The following CSMD3 variants were observed in gnomAD, a reference collection of about 807,000 sequenced individuals.
The protein encoded by CSMD3 is CUB and Sushi multiple domains 3.
CSMD3 carries 177 observed loss-of-function variants against 435.2 expected under a neutral mutation model. The observed-to-expected ratio is 0.41, with a 90% CI of 0.36 to 0.46. CSMD3 has a LOEUF of 0.46. Ranked by LOEUF, CSMD3 falls within the 20% of genes least tolerant of loss-of-function variation. The pLI, the probability that CSMD3 is intolerant of heterozygous loss-of-function variation, is 0.34. For missense variants in CSMD3, 4,265 were observed against 4,504.6 expected (o/e 0.95, Z 1.52); for synonymous variants, 1,656 against 1,520.5 (o/e 1.09, Z -2.07).
intron 8 of CSMD3, among the ~76,000 whole-genome samples, chr8:112,951,101 A>T (rs982495662): frequency 2.0e-5 from 3 of 151,852 alleles, no homozygotes; most frequent in African/African-American, 4.8e-5. Context: ...AAATTTTTTA[A>T]ATTAAGAAAA....
chr8:112,865,175 C>T (rs1168288267), intron 10 of CSMD3, among the ~76,000 whole-genome samples: 1 of 152,168 alleles, frequency 6.6e-6, no homozygotes. Context: ...ATGTTAAGTA[C>T]AGTGAAATAT....
intron 5 of CSMD3, among the ~76,000 whole-genome samples, chr8:113,025,766 A>G (rs2086853014): frequency 6.6e-6 from 1 of 152,144 alleles, no homozygotes; most frequent in African/African-American, 2.4e-5. Context: ...CTGGGGAGTC[A>G]GGACAAGCCC....
intron 13 of CSMD3, among the ~76,000 whole-genome samples, chr8:112,730,262 C>T (rs1340533523): frequency 2.0e-5 from 3 of 152,188 alleles, no homozygotes; most frequent in South Asian, 2.1e-4. Flanking sequence ...ATTGAGCACA[C>T]ATCTTGTGAA....
intron 2 of CSMD3, among the ~76,000 whole-genome samples, chr8:113,302,222 AATATAATATAAT>A (rs71281209): frequency 0.018 from 1,347 of 75,192 alleles, 10 homozygotes; most frequent in East Asian, 0.066. Context: ...CTGTATATAT[AATATAATATAAT>A]ATATAATATA....
chr8:112,344,753 T>G (rs914134595), intron 41 of CSMD3, among the ~76,000 whole-genome samples: 5 of 152,178 alleles, frequency 3.3e-5, no homozygotes, highest in Non-Finnish European at 7.4e-5. Context: ...GGAGAATTTA[T>G]TAAATATGAT....
chr8:113,434,838 A>G (rs1416595891), intron 1 of CSMD3, among the ~76,000 whole-genome samples: 2 of 152,162 alleles, frequency 1.3e-5, no homozygotes, highest in Non-Finnish European at 2.9e-5. Context: ...GATCAGCGTT[A>G]GTCAGGCTGT....
At chr8:112,469,587 G>A (rs1343603039) in intron 32 of CSMD3, among the ~76,000 whole-genome samples, 1 of 152,122 alleles carries the variant, frequency 6.6e-6, no homozygotes, top group Admixed American at 6.6e-5. Flanking sequence ...GTTAGGTTCT[G>A]ATAAGGAGCG....
rs34885472 is a variant in CSMD3 at position 112,855,809 on chromosome 8, C to CTTT, written c.1755+3333_1755+3335dup. 2.9e-3 allele frequency among the ~76,000 whole-genome samples: 398 copies of CTTT among 135,306 alleles called. 2 individuals are homozygous for CTTT. The highest frequency in any genetic ancestry group is 4.1e-3 in the East Asian group (19 of 4,606). The allele number at this position is 135,306 out of a possible 152,430, so 88.8% of individuals were successfully genotyped here. A position where few individuals can be genotyped will look rare whatever the true frequency, so the allele number is the denominator to read the frequency against. ...TCCCTTCAAATATGTCTTAGCGAAG[C>CTTT]TTTTTTTTTTTTTTTTCTTTGTCTC... On this transcript the variant is annotated intron_variant, in intron 11 of 70. Transcript: ENST00000297405.
chr8:113,410,095 A>T (rs996396365), intron 1 of CSMD3, among the ~76,000 whole-genome samples: 7 of 152,168 alleles, frequency 4.6e-5, no homozygotes, highest in Non-Finnish European at 1.5e-5. Context: ...ATGTATGATA[A>T]ATAAATTATC....
intron 27 of CSMD3, among the ~76,000 whole-genome samples, chr8:112,525,718 C>T (rs2131038673): frequency 7.0e-6 from 1 of 142,238 alleles, no homozygotes; most frequent in Admixed American, 7.2e-5. Flanking sequence ...GAGACTCCGT[C>T]CTCCCAAAAA....
chr8:112,333,710 C>T (rs1169494239), intron 45 of CSMD3, among the ~76,000 whole-genome samples: 1 of 149,060 alleles, frequency 6.7e-6, no homozygotes, highest in Non-Finnish European at 1.5e-5. Context: ...GACATCCTTT[C>T]CTTTGATAAT....
chr8:112,930,211 G>A (rs1196087434), intron 9 of CSMD3, among the ~76,000 whole-genome samples: 2 of 151,994 alleles, frequency 1.3e-5, no homozygotes, highest in Admixed American at 6.6e-5. Context: ...TCATTCTTGT[G>A]ACATTAACTT....
At chr8:112,598,094 G>A (rs1196766449) in intron 22 of CSMD3, among the ~76,000 whole-genome samples, 1 of 148,846 alleles carries the variant, frequency 6.7e-6, no homozygotes, top group Non-Finnish European at 1.5e-5. Context: ...GTTTGCAGAT[G>A]ACATGATTGT....
intron 4 of CSMD3, among the ~76,000 whole-genome samples, chr8:113,121,454 C>G (rs1003843539): frequency 6.6e-6 from 1 of 152,048 alleles, no homozygotes; most frequent in Non-Finnish European, 1.5e-5. Context: ...GAGGTGATCA[C>G]GTAAAATCTT....
chr8:113,302,403 T>C (rs1008947093), intron 2 of CSMD3, among the ~76,000 whole-genome samples: 4 of 148,674 alleles, frequency 2.7e-5, no homozygotes, highest in Middle Eastern at 7.0e-3. Flanking sequence ...CCTGACAGAG[T>C]ATGTATTCAG....
At chr8:113,187,569 C>G (rs1009261479) in intron 3 of CSMD3, among the ~76,000 whole-genome samples, 2 of 151,906 alleles carry the variant, frequency 1.3e-5, no homozygotes. Flanking sequence ...GCATAAATTT[C>G]GTGTTTCATT....
At chr8:113,246,249 G>A (rs2093275131) in intron 3 of CSMD3, among the ~76,000 whole-genome samples, 1 of 151,752 alleles carries the variant, frequency 6.6e-6, no homozygotes, top group African/African-American at 2.4e-5. Flanking sequence ...AAGTCTCTGA[G>A]GTTCTATTCA....
intron 3 of CSMD3, among the ~76,000 whole-genome samples, chr8:113,262,427 C>T (rs899554938): frequency 6.6e-6 from 1 of 151,962 alleles, no homozygotes; most frequent in African/African-American, 2.4e-5. Flanking sequence ...CATAATTCCA[C>T]TATTGGCTCC....
At chr8:112,940,387 T>C (rs920800456) in intron 9 of CSMD3, among the ~76,000 whole-genome samples, 10 of 151,804 alleles carry the variant, frequency 6.6e-5, no homozygotes, top group Non-Finnish European at 1.3e-4. Context: ...AAATTCTCCT[T>C]TTCCTTTATA....
Sources: allele counts gnomAD v4.1 joint callset (sites outside exome capture counted in the v4.1 genomes callset), GRCh38; gene constraint gnomAD v4.1.1; transcripts MANE v1.5; gene names NCBI Gene and HGNC (gene_info 2026-07-23, HGNC 2026-07-21).